Variants in XRCC4 observed in about 807,000 individuals in gnomAD.
The protein encoded by XRCC4 is X-ray repair cross complementing 4.
XRCC4 carries 28 observed loss-of-function variants against 39.1 expected under a neutral mutation model. The observed-to-expected ratio is 0.72, with a 90% CI of 0.53 to 0.98. XRCC4 has a LOEUF of 0.98. Ranked by LOEUF, XRCC4 falls within the 50% of genes least tolerant of loss-of-function variation. The pLI, the probability that XRCC4 is intolerant of heterozygous loss-of-function variation, is 0.00. For missense variants in XRCC4, 350 were observed against 376.4 expected (o/e 0.93, Z 0.58); for synonymous variants, 123 against 126.4 (o/e 0.97, Z 0.18).
chr5:83,203,255 C>A (rs535054892), intron 4 of XRCC4, among the ~76,000 whole-genome samples: 28 of 152,196 alleles, frequency 1.8e-4, no homozygotes, highest in African/African-American at 6.3e-4. Flanking sequence ...TAAAAACATT[C>A]TTTTGTAAAT....
chr5:83,304,092 G>A (rs1755391618), intron 7 of XRCC4, among the ~76,000 whole-genome samples: 1 of 151,380 alleles, frequency 6.6e-6, no homozygotes, highest in African/African-American at 2.4e-5. Context: ...TCACAGATAT[G>A]ATCTGAAACT....
chr5:83,116,608 CTTTTTTTTTTTTTTTT>C (rs559079642), intron 3 of XRCC4, among the ~76,000 whole-genome samples: 5 of 103,196 alleles, frequency 4.8e-5, no homozygotes, highest in Non-Finnish European at 7.6e-5. Context: ...TTCTCTCTCT[CTTTTTTTTTTTTTTTT>C]TTTTTTTTTT....
chr5:83,169,363 C>G (rs1749624995), intron 3 of XRCC4, among the ~76,000 whole-genome samples: 1 of 152,040 alleles, frequency 6.6e-6, no homozygotes, highest in African/African-American at 2.4e-5. Context: ...TGATTTTTCT[C>G]TATTTCTACA....
At chr5:83,125,743 C>CACTTCGAG (rs60836952) in intron 3 of XRCC4, among the ~76,000 whole-genome samples, 2 of 151,566 alleles carry the variant, frequency 1.3e-5, no homozygotes, top group Non-Finnish European at 2.9e-5. Context: ...GTAATTCCAA[C>CACTTCGAG]AGGCCGAGGC....
In XRCC4 at chr5:83,348,181, A is replaced by C. The variant is rs762735862; in HGVS notation, c.894-4950A>C. 4.5e-4 allele frequency among the ~76,000 whole-genome samples: 68 copies of C among 152,136 alleles called. 1 individual carries two copies. Among genetic ancestry groups the C allele is most frequent in the Non-Finnish European group, 8.8e-4 (60 of 68,024 alleles). On this transcript the variant is annotated intron_variant, in intron 7 of 7. Coordinates refer to ENST00000396027, the MANE Select transcript of XRCC4 (RefSeq NM_003401.5). ...GGCGCAAGCTGATGATGGATCTGCC[A>C]TTCTGTGGTCTGGAGGATGGTGGCT...
chr5:83,291,949 T>TTC (rs35165308), intron 7 of XRCC4, among the ~76,000 whole-genome samples: 11,488 of 103,964 alleles, frequency 0.11, 571 homozygotes, highest in Non-Finnish European at 0.13. Flanking sequence ...ATATGTGTAT[T>TTC]TCTGTGTGTG....
chr5:83,201,682 T>C (rs1284365134), intron 4 of XRCC4: 1 of 151,752 alleles, frequency 6.6e-6, no homozygotes, highest in Admixed American at 6.6e-5. Flanking sequence ...GGACCGGTAA[T>C]GTTCATATGA....
chr5:83,078,186 C>T (rs905620769), intron 1 of XRCC4, among the ~76,000 whole-genome samples: 5 of 152,218 alleles, frequency 3.3e-5, no homozygotes, highest in African/African-American at 1.2e-4. Flanking sequence ...AACTTTTAAT[C>T]AGTAGTAGTA....
intron 3 of XRCC4, among the ~76,000 whole-genome samples, chr5:83,120,669 CT>C (rs1309360880): frequency 6.6e-6 from 1 of 152,138 alleles, no homozygotes; most frequent in Non-Finnish European, 1.5e-5. Flanking sequence ...TGATATACCA[CT>C]TTTACTTTTT....
At chr5:83,360,144 CAA>C in the XRCC4 span, among the ~76,000 whole-genome samples, 11 of 152,100 alleles carry the variant, frequency 7.2e-5, no homozygotes, top group African/African-American at 2.7e-4. Flanking sequence ...ATCAAATAGT[CAA>C]GAGACTACTT....
intron 3 of XRCC4, among the ~76,000 whole-genome samples, chr5:83,128,052 C>G (rs1747362212): frequency 6.6e-6 from 1 of 151,786 alleles, no homozygotes; most frequent in Admixed American, 6.6e-5. Context: ...TATACATGTG[C>G]CATGTTGCTG....
chr5:83,117,485 A>G (rs1457912773), intron 3 of XRCC4, among the ~76,000 whole-genome samples: 2 of 152,292 alleles, frequency 1.3e-5, no homozygotes, highest in South Asian at 4.1e-4. Flanking sequence ...TGAGTCAAAG[A>G]AAAACAATTA....
At chr5:83,113,906 G>A (rs138009788) in intron 3 of XRCC4, among the ~76,000 whole-genome samples, 5 of 152,208 alleles carry the variant, frequency 3.3e-5, no homozygotes, top group African/African-American at 1.2e-4. Flanking sequence ...GATTACAGGC[G>A]TGAGCCACCG....
chr5:83,314,352 G>A (rs775041347), intron 7 of XRCC4, among the ~76,000 whole-genome samples: 1 of 152,132 alleles, frequency 6.6e-6, no homozygotes, highest in Non-Finnish European at 1.5e-5. Context: ...CATTCTAATT[G>A]TAGGTGAAAT....
At chr5:83,234,990 CATTAAT>C (rs1752632047) in intron 6 of XRCC4, among the ~76,000 whole-genome samples, 1 of 151,094 alleles carries the variant, frequency 6.6e-6, no homozygotes, top group Admixed American at 6.6e-5. Flanking sequence ...GCTTTTATCG[CATTAAT>C]ATTATTATTA....
intron 3 of XRCC4, among the ~76,000 whole-genome samples, chr5:83,122,307 A>G (rs571473398): frequency 1.3e-5 from 2 of 152,260 alleles, no homozygotes; most frequent in South Asian, 2.1e-4. Flanking sequence ...TAATACATCC[A>G]TATATTTAGG....
intron 7 of XRCC4, among the ~76,000 whole-genome samples, chr5:83,315,037 A>G (rs1755832300): frequency 6.6e-6 from 1 of 152,160 alleles, no homozygotes; most frequent in Non-Finnish European, 1.5e-5. Flanking sequence ...TCTTTCACCA[A>G]ACAACCAAGT....
intron 7 of XRCC4, chr5:83,259,127 ATTTTCACTG>A: frequency 6.1e-6 from 1 of 164,824 alleles, no homozygotes; most frequent in East Asian, 1.9e-4. Flanking sequence ...TGTGTACTTT[ATTTTCACTG>A]TTTTCACTCT....
chr5:83,200,067 A>G (rs953183854), intron 4 of XRCC4, among the ~76,000 whole-genome samples: 84 of 152,168 alleles, frequency 5.5e-4, no homozygotes, highest in African/African-American at 1.9e-3. Context: ...TTCCTGTCCA[A>G]TTTCTTGAGG....
Sources: allele counts gnomAD v4.1 joint callset (sites outside exome capture counted in the v4.1 genomes callset), GRCh38; gene constraint gnomAD v4.1.1; transcripts MANE v1.5; gene names NCBI Gene and HGNC (gene_info 2026-07-23, HGNC 2026-07-21).